Variants in CFAP299 observed in about 807,000 individuals in gnomAD.
CFAP299 encodes cilia and flagella associated protein 299, also known as cilia- and flagella-associated protein 299.
Under a neutral mutation model 27.0 loss-of-function variants are expected in CFAP299, and 21 were observed. The ratio of observed to expected loss-of-function variants is 0.78; its 90% CI spans 0.55 to 1.12. The LOEUF (loss-of-function observed/expected upper bound fraction) is 1.12, where lower values mean the gene tolerates loss of function less well. CFAP299 is among the 50% of genes most tolerant of loss of function. The pLI, the probability that CFAP299 is intolerant of heterozygous loss-of-function variation, is 0.00. For missense variants in CFAP299, 310 were observed against 276.6 expected (o/e 1.12, Z -0.86); for synonymous variants, 104 against 98.1 (o/e 1.06, Z -0.36).
chr4:80,830,807 A>T (rs1169483133), intron 3 of CFAP299, among the ~76,000 whole-genome samples: 1 of 152,144 alleles, frequency 6.6e-6, no homozygotes, highest in Non-Finnish European at 1.5e-5. Flanking sequence ...ACTCAAGATA[A>T]TTAACAAGTG....
rs1578361304 is a variant in CFAP299 at position 80,367,394 on chromosome 4, T to A, written c.242+4510T>A. 2.6e-5 allele frequency among the ~76,000 whole-genome samples: 4 copies of A among 151,992 alleles called. No homozygotes were observed. The South Asian group carries it at 8.3e-4, about 31-fold the overall frequency. ...CAATTAGAGTTAATCAGGCAAAGAG[T>A]GGTGTGAGTGAACACATCCATTTTG... is the stretch of plus-strand genomic sequence containing the variant. On this transcript the variant is annotated intron_variant, in intron 2 of 5. Transcript: ENST00000358105.
chr4:80,418,125 A>G (rs1727105620), intron 2 of CFAP299, among the ~76,000 whole-genome samples: 1 of 152,182 alleles, frequency 6.6e-6, no homozygotes, highest in African/African-American at 2.4e-5. Context: ...AAAGCCAATT[A>G]GAAAGAGATT....
At chr4:80,872,826 T>G (rs1733171905) in intron 4 of CFAP299, 1 of 865,988 alleles carries the variant, frequency 1.2e-6, no homozygotes, top group Admixed American at 6.2e-5. Flanking sequence ...TTCTTGCAAA[T>G]TATAAGATTC....
chr4:80,645,298 G>C (rs1267694967), intron 3 of CFAP299, among the ~76,000 whole-genome samples: 1 of 152,094 alleles, frequency 6.6e-6, no homozygotes, highest in Non-Finnish European at 1.5e-5. Flanking sequence ...TAGAGTTGCA[G>C]TTGAGAATCA....
At chr4:80,871,644 C>T in intron 4 of CFAP299, 1 of 980,192 alleles carries the variant, frequency 1.0e-6, no homozygotes, top group Non-Finnish European at 1.2e-6. Context: ...ACCTTTATAA[C>T]TAATAATTTA....
At chr4:80,799,779 ATATATTATATATTATAT>A (rs1280434695) in intron 3 of CFAP299, among the ~76,000 whole-genome samples, 5 of 44,818 alleles carry the variant, frequency 1.1e-4, no homozygotes, top group Admixed American at 4.5e-4. Context: ...TATATGATAT[ATATATTATATATTATAT>A]TATATAATAT....
intron 3 of CFAP299, among the ~76,000 whole-genome samples, chr4:80,700,912 A>G (rs1212864955): frequency 1.3e-5 from 2 of 152,078 alleles, no homozygotes; most frequent in African/African-American, 2.4e-5. Flanking sequence ...TACTAATAGA[A>G]AAACATGTTT....
In CFAP299 at chr4:80,679,610, C is replaced by A. The variant is rs558226978; in HGVS notation, c.333+96427C>A. ...ATTATCACTTTTTTAAAAAAAATGG[C>A]TACTAATAGGTGTATAGTGATATCT... On this transcript the variant is annotated intron_variant, in intron 3 of 5. Coordinates refer to ENST00000358105, the MANE Select transcript of CFAP299 (RefSeq NM_152770.3). Among the ~76,000 whole-genome samples, 13 of 151,988 alleles carry A rather than the reference C, an allele frequency of 8.6e-5. No homozygotes were observed. In the South Asian group the frequency reaches 2.7e-3, roughly 31 times the overall value.
At chr4:80,874,596 A>G (rs772126429) in intron 4 of CFAP299, among the ~76,000 whole-genome samples, 1 of 152,174 alleles carries the variant, frequency 6.6e-6, no homozygotes, top group African/African-American at 2.4e-5. Flanking sequence ...TCTGCTTCCA[A>G]GATGGTGCCA....
chr4:80,850,616 A>G (rs897349658), intron 3 of CFAP299, among the ~76,000 whole-genome samples: 1 of 152,070 alleles, frequency 6.6e-6, no homozygotes, highest in African/African-American at 2.4e-5. Flanking sequence ...GAGTGGTCCT[A>G]GAATAATAGT....
chr4:80,469,036 C>A (rs1028979186), intron 2 of CFAP299, among the ~76,000 whole-genome samples: 1 of 152,000 alleles, frequency 6.6e-6, no homozygotes, highest in South Asian at 2.1e-4. Flanking sequence ...AAAAAGCAAT[C>A]GGCAAAAATA....
intron 2 of CFAP299, among the ~76,000 whole-genome samples, chr4:80,579,694 G>A (rs1004024377): frequency 6.6e-6 from 1 of 151,842 alleles, no homozygotes. Flanking sequence ...CCACTTCCAG[G>A]AATAGTTATA....
chr4:80,705,324 C>T (rs1721756661), intron 3 of CFAP299, among the ~76,000 whole-genome samples: 1 of 151,784 alleles, frequency 6.6e-6, no homozygotes, highest in Admixed American at 6.6e-5. Context: ...AACTTTAGCA[C>T]ATGGCTGCCA....
At chr4:80,472,904 C>T (rs999391660) in intron 2 of CFAP299, among the ~76,000 whole-genome samples, 3 of 152,106 alleles carry the variant, frequency 2.0e-5, no homozygotes, top group African/African-American at 7.2e-5. Context: ...ACACATTCTT[C>T]TTCTTAAGTT....
chr4:80,694,603 G>A (rs995233005), intron 3 of CFAP299, among the ~76,000 whole-genome samples: 1 of 152,160 alleles, frequency 6.6e-6, no homozygotes, highest in Non-Finnish European at 1.5e-5. Flanking sequence ...TTATTTGCTA[G>A]AATAAAATGG....
chr4:80,386,490 G>T, intron 2 of CFAP299: 2 of 1,546,532 alleles, frequency 1.3e-6, no homozygotes, highest in Non-Finnish European at 1.7e-6. Flanking sequence ...GCGCGGGGCT[G>T]CCCTCTTCTC....
intron 3 of CFAP299, among the ~76,000 whole-genome samples, chr4:80,634,833 C>T (rs554320806): frequency 2.6e-5 from 4 of 151,854 alleles, no homozygotes; most frequent in South Asian, 2.1e-4. Flanking sequence ...AAATTGAAGT[C>T]GTATTAACTT....
intron 2 of CFAP299, among the ~76,000 whole-genome samples, chr4:80,506,852 T>C (rs1294289315): frequency 1.3e-5 from 2 of 152,124 alleles, no homozygotes; most frequent in Admixed American, 1.3e-4. Context: ...TAAGGTTAGT[T>C]AAGTTTATGG....
At chr4:80,322,379 T>C in the CFAP299 span, among the ~76,000 whole-genome samples, 2 of 152,314 alleles carry the variant, frequency 1.3e-5, no homozygotes, top group South Asian at 4.1e-4. Flanking sequence ...AATCATCTGG[T>C]GGGACTCAGT....
Sources: allele counts gnomAD v4.1 joint callset (sites outside exome capture counted in the v4.1 genomes callset), GRCh38; gene constraint gnomAD v4.1.1; transcripts MANE v1.5; gene names NCBI Gene and HGNC (gene_info 2026-07-23, HGNC 2026-07-21).